Variants in VPS53 observed in about 807,000 individuals in gnomAD.
VPS53 encodes VPS53 subunit of GARP complex.
A neutral mutation model predicts 107.0 loss-of-function variants in VPS53; 70 were observed. The ratio of observed to expected loss-of-function variants is 0.65; its 90% CI spans 0.54 to 0.80. VPS53 has a LOEUF of 0.80. Ranked by LOEUF, VPS53 falls within the 30% of genes least tolerant of loss-of-function variation. The pLI, the probability that VPS53 is intolerant of heterozygous loss-of-function variation, is 0.00. For missense variants in VPS53, 917 were observed against 1,049.4 expected, an observed-to-expected ratio of 0.87 and a Z score of 1.74; for synonymous variants, 409 against 393.3, an observed-to-expected ratio of 1.04 and a Z score of -0.47.
At chr17:619,978 G>A (rs1969400244) in intron 11 of VPS53, among the ~76,000 whole-genome samples, 3 of 151,786 alleles carry the variant, frequency 2.0e-5, no homozygotes, top group Non-Finnish European at 4.4e-5. Flanking sequence ...GCGCCACCAC[G>A]CCCCGCTAGT....
intron 13 of VPS53, among the ~76,000 whole-genome samples, chr17:565,403 C>CAAAAAAAAAAAAAA (rs535932031): frequency 2.9e-4 from 24 of 82,524 alleles, no homozygotes; most frequent in East Asian, 2.6e-3. Context: ...AACCCCATCT[C>CAAAAAAAAAAAAAA]AAAAAAAAAA....
chr17:663,930 C>T (rs1009907261), intron 4 of VPS53, among the ~76,000 whole-genome samples: 1 of 152,072 alleles, frequency 6.6e-6, no homozygotes, highest in African/African-American at 2.4e-5. Flanking sequence ...AAGATAATTC[C>T]TAAGTGTGGT....
chr17:544,023 C>CAGGG (rs1442072386), intron 17 of VPS53, among the ~76,000 whole-genome samples: 1 of 47,144 alleles, frequency 2.1e-5, no homozygotes, highest in East Asian at 9.2e-4. Flanking sequence ...GTGAGGAAGG[C>CAGGG]AGGGAGGGAG....
chr17:693,232 G>T (rs147824746), intron 4 of VPS53, among the ~76,000 whole-genome samples: 1 of 152,322 alleles, frequency 6.6e-6, no homozygotes, highest in Non-Finnish European at 1.5e-5. Flanking sequence ...CACAAGAGGA[G>T]TGATGCTGGC....
rs926744292 is a variant in VPS53 at position 682,831 on chromosome 17, G to C, written c.285+14587C>G. Among the ~76,000 whole-genome samples the C allele has an allele frequency of 6.4e-5, 9 of 140,708 alleles. No homozygotes were observed. The East Asian group carries it at 1.7e-3, about 27-fold the overall frequency. 92.3% of individuals were successfully genotyped at this position (140,708 alleles called of 152,430 possible). A position where few individuals can be genotyped will look rare whatever the true frequency, so the allele number is the denominator to read the frequency against. The stretch of plus-strand genomic sequence containing the variant: ...CAACCAACAGAACCTGTCTCAAAGA[G>C]GAGCCATTTGGTATAAATATTAGAT... On this transcript the variant is annotated intron_variant, in intron 4 of 21. Transcript: ENST00000437048.
intron 9 of VPS53, 136 bp downstream of exon 9, chr17:627,952 C>T: frequency 1.2e-6 from 1 of 821,094 alleles, no homozygotes; most frequent in Non-Finnish European, 1.8e-6. Context: ...ATAAACTCAG[C>T]CCCTAGGACT....
rs539329163 is a variant in VPS53 at position 602,009 on chromosome 17, TAAA to T, written c.1117-116_1117-114del. 0.015 allele frequency: 11,394 copies of T among 761,432 alleles called. 933 individuals carry two copies. In the African/African-American group the frequency reaches 0.18, roughly 12 times the overall value. 47.2% of individuals were successfully genotyped at this position (761,432 alleles called of 1,614,324 possible). ...CAAGGAAGTCATGCACGCTATCTGA[TAAA>T]GAAGAACTGAGGCAACCCAGACCAC... On this transcript the variant is annotated intron_variant, in intron 11 of 21. Coordinates refer to ENST00000437048, the MANE Select transcript of VPS53 (RefSeq NM_001128159.3).
intron 4 of VPS53, among the ~76,000 whole-genome samples, chr17:695,823 A>G (rs1008770945): frequency 6.6e-6 from 1 of 152,214 alleles, no homozygotes; most frequent in Non-Finnish European, 1.5e-5. Context: ...AAGTGTTGGG[A>G]TTGCAGGTGT....
intron 12 of VPS53, 43 bp downstream of exon 12, chr17:601,752 G>C (rs772024728): frequency 6.8e-7 from 1 of 1,463,548 alleles, no homozygotes; most frequent in Non-Finnish European, 9.3e-7. Context: ...TTTCAGAAAC[G>C]CACATTGGGT....
At chr17:604,263 A>G (rs1968459575) in intron 11 of VPS53, among the ~76,000 whole-genome samples, 1 of 152,166 alleles carries the variant, frequency 6.6e-6, no homozygotes. Flanking sequence ...AGCATCAAGA[A>G]AACGCAGAGG....
chr17:650,123 T>C (rs1290326234), intron 7 of VPS53, among the ~76,000 whole-genome samples: 1 of 152,108 alleles, frequency 6.6e-6, no homozygotes, highest in African/African-American at 2.4e-5. Flanking sequence ...AGAGACCAAG[T>C]TGTAGAGACT....
Position 510,489 on chromosome 17 carries a change from G to GGCCAACCCCTTACTAGTCCCATATGA in VPS53, c.*8638_*8639insTCATATGGGACTAGTAAGGGGTTGGC, listed in dbSNP as rs1567587694. The GGCCAACCCCTTACTAGTCCCATATGA allele has an allele frequency of 1.7e-3, 69 of 40,020 alleles. 4 individuals carry two copies. Among genetic ancestry groups the GGCCAACCCCTTACTAGTCCCATATGA allele is most frequent in the African/African-American group, 0.015 (68 of 4,638 alleles). The allele number at this position is 40,020 out of a possible 1,614,324, so 2.5% of individuals were successfully genotyped here. Reference sequence around the variant, plus strand: ...GCTGACCCCTTACTAGTCACATATTGAATCCTGGCTGACCCCTTACTAGTC... The same window carrying GGCCAACCCCTTACTAGTCCCATATGA: ...GCTGACCCCTTACTAGTCACATATTGGCCAACCCCTTACTAGTCCCATATGAAATCCTGGCTGACCCCTTACTAGTC... On this transcript the variant is annotated 3_prime_UTR_variant, in exon 22 of 22. Coordinates refer to ENST00000437048, the MANE Select transcript of VPS53 (RefSeq NM_001128159.3).
chr17:700,978 C>T (rs949323202), intron 2 of VPS53, among the ~76,000 whole-genome samples: 8 of 152,082 alleles, frequency 5.3e-5, no homozygotes, highest in African/African-American at 1.9e-4. Context: ...CTGTTCTGAC[C>T]AAGCCAACAG....
At position 610,139 on chromosome 17, in the gene VPS53, A is replaced by T. The variant is rs1469223091; in HGVS notation, c.1117-8243T>A. On this transcript the variant is annotated intron_variant, in intron 11 of 21. Transcript: ENST00000437048. ...GAGTGAGACTCCGTCACACACACACACACACACACACACACACACACACAC... is the reference window on the plus strand; with the variant it reads ...GAGTGAGACTCCGTCACACACACACTCACACACACACACACACACACACAC... Among the ~76,000 whole-genome samples, 7 of 58,744 alleles carry T rather than the reference A, an allele frequency of 1.2e-4. No individual in the cohort carries two copies. The South Asian group carries it at 2.6e-3, about 22-fold the overall frequency. The allele number at this position is 58,744 out of a possible 152,430, so 38.5% of individuals were successfully genotyped here.
At chr17:649,837 C>T (rs192956929) in intron 7 of VPS53, among the ~76,000 whole-genome samples, 1 of 152,264 alleles carries the variant, frequency 6.6e-6, no homozygotes, top group Non-Finnish European at 1.5e-5. Flanking sequence ...GTGGGAGAGA[C>T]ATGAGAATAT....
At chr17:557,647 A>G (rs2151846563) in intron 15 of VPS53, among the ~76,000 whole-genome samples, 1 of 152,282 alleles carries the variant, frequency 6.6e-6, no homozygotes, top group East Asian at 1.9e-4. Context: ...AATTGTATTT[A>G]GAGATCACAA....
chr17:521,500 G>A, intron 20 of VPS53, 101 bp downstream of exon 20: 1 of 1,273,016 alleles, frequency 7.9e-7, no homozygotes, highest in Non-Finnish European at 1.0e-6. Flanking sequence ...ACCATGCTTT[G>A]AGGCCGGTGA....
Position 710,519 on chromosome 17 carries a change from G to A in VPS53, c.168+14C>T, listed in dbSNP as rs1973597675. 1 of 1,608,110 alleles carries A rather than the reference G, an allele frequency of 6.2e-7. No homozygotes were observed. The highest frequency in any genetic ancestry group is 8.5e-7 in the Non-Finnish European group (1 of 1,175,306). ...AAAGCTGCTGAAAGGAAGGAAACCT[G>A]AAACTCTACTTACTTGCTCGGTTGG... On this transcript the variant is annotated intron_variant, in intron 2 of 21. Coordinates refer to ENST00000437048, the MANE Select transcript of VPS53 (RefSeq NM_001128159.3).
Position 536,793 on chromosome 17 carries a change from G to A in VPS53, c.2015+235C>T, listed in dbSNP as rs547268996. 6.0e-5 allele frequency: 29 copies of A among 479,860 alleles called. No individual in the cohort carries two copies. The East Asian group carries it at 6.3e-4, about 10-fold the overall frequency. 29.7% of individuals were successfully genotyped at this position (479,860 alleles called of 1,614,324 possible). A position where few individuals can be genotyped will look rare whatever the true frequency, so the allele number is the denominator to read the frequency against. ...AAACCGAGGGAATGTCCAGCGCGAC[G>A]TCAGAGTCCGGGTGATAATGACGTG... On this transcript the variant is annotated intron_variant, in intron 18 of 21. Coordinates refer to ENST00000437048, the MANE Select transcript of VPS53 (RefSeq NM_001128159.3).
Sources: allele counts gnomAD v4.1 joint callset (sites outside exome capture counted in the v4.1 genomes callset), GRCh38; gene constraint gnomAD v4.1.1; transcripts MANE v1.5; gene names NCBI Gene and HGNC (gene_info 2026-07-23, HGNC 2026-07-21).